Variants in CNTN4 observed in about 807,000 individuals in gnomAD.
CNTN4 encodes contactin 4, also known as contactin-4.
A neutral mutation model predicts 122.5 loss-of-function variants in CNTN4; 77 were observed. The observed-to-expected ratio is 0.63, with a 90% CI of 0.52 to 0.76. CNTN4 has a LOEUF of 0.76. Ranked by LOEUF, CNTN4 falls within the 30% of genes least tolerant of loss-of-function variation. CNTN4 has a pLI of 0.00. For synonymous variants in CNTN4, 512 were observed against 447.0 expected (o/e 1.15, Z -1.83); for missense variants, 1,256 against 1,259.1 (o/e 1.00, Z 0.04).
intron 3 of CNTN4, among the ~76,000 whole-genome samples, chr3:2,391,412 G>A (rs761814178): frequency 6.6e-6 from 1 of 152,060 alleles, no homozygotes; most frequent in African/African-American, 2.4e-5. Flanking sequence ...AACAATATAT[G>A]AAGCCATGAG....
At chr3:2,332,902 T>A (rs919736015) in intron 2 of CNTN4, among the ~76,000 whole-genome samples, 1 of 151,740 alleles carries the variant, frequency 6.6e-6, no homozygotes, top group Non-Finnish European at 1.5e-5. Flanking sequence ...TAAAAAAAAA[T>A]AAGACTTTTT....
At chr3:2,324,261 GAGA>G (rs1375620497) in intron 2 of CNTN4, among the ~76,000 whole-genome samples, 7 of 131,970 alleles carry the variant, frequency 5.3e-5, no homozygotes, top group African/African-American at 2.8e-5. Flanking sequence ...GTGGTGAGAG[GAGA>G]AGAATGATAG....
chr3:2,269,374 C>T (rs1453100109), intron 2 of CNTN4, among the ~76,000 whole-genome samples: 1 of 151,920 alleles, frequency 6.6e-6, no homozygotes, highest in East Asian at 1.9e-4. Context: ...TTGGTAATTC[C>T]ACAGCATGCA....
At chr3:2,409,253 T>TC (rs1174389128) in intron 3 of CNTN4, among the ~76,000 whole-genome samples, 1 of 150,128 alleles carries the variant, frequency 6.7e-6, no homozygotes, top group African/African-American at 2.4e-5. Context: ...TCTTTTCTTT[T>TC]TTTTTTTTTT....
intron 4 of CNTN4, among the ~76,000 whole-genome samples, chr3:2,662,974 T>C (rs1181866286): frequency 6.6e-6 from 1 of 152,010 alleles, no homozygotes; most frequent in Non-Finnish European, 1.5e-5. Context: ...TGATGGTGTG[T>C]GCCTGTAATC....
At chr3:2,675,563 T>C (rs544230403) in intron 4 of CNTN4, among the ~76,000 whole-genome samples, 62 of 152,310 alleles carry the variant, frequency 4.1e-4, no homozygotes, top group African/African-American at 1.4e-3. Flanking sequence ...TTCCCAAGAA[T>C]GAAAGCTCCA....
chr3:2,489,125 C>CT (rs2151648178), intron 3 of CNTN4, among the ~76,000 whole-genome samples: 1 of 152,174 alleles, frequency 6.6e-6, no homozygotes, highest in Admixed American at 6.5e-5. Flanking sequence ...ACTCAGTTTA[C>CT]TTTTTGGTGC....
At chr3:2,830,869 GC>G (rs750152990) in intron 7 of CNTN4, among the ~76,000 whole-genome samples, 116 of 152,218 alleles carry the variant, frequency 7.6e-4, no homozygotes, top group Admixed American at 1.6e-3. Context: ...ATGGAATTAA[GC>G]AGGATAATGA....
intron 3 of CNTN4, among the ~76,000 whole-genome samples, chr3:2,488,957 A>G (rs1575751460): frequency 2.0e-5 from 3 of 152,366 alleles, no homozygotes; most frequent in Admixed American, 2.0e-4. Flanking sequence ...ATGATAAATA[A>G]TACAATAGAG....
chr3:2,529,339 C>T lies in CNTN4; in HGVS notation c.-88-42077C>T, dbSNP rs141716697. Among the ~76,000 whole-genome samples, 222 of 152,216 alleles carry T rather than the reference C, an allele frequency of 1.5e-3. 4 individuals are homozygous for T. The highest frequency in any genetic ancestry group is 0.01 in the Middle Eastern group (3 of 294). ...ATTATGTATATATACGTATTTTCTT[C>T]ATCCATTCATCTGTTGATGGATACT... On this transcript the variant is annotated intron_variant, in intron 3 of 24. Coordinates refer to ENST00000418658, the MANE Select transcript of CNTN4 (RefSeq NM_175607.3).
rs538487348 is a variant in CNTN4, at chr3:2,823,367, G to A, written c.454+3786G>A. Among the ~76,000 whole-genome samples, 5 of 152,278 alleles carry A rather than the reference G, an allele frequency of 3.3e-5. No homozygotes were observed. In the South Asian group the frequency reaches 1.0e-3, roughly 32 times the overall value. ...AGCTGTGCGGTGTCAGACCTTCTTAGGGTAGCAGAGAAATGAGCAGCAATT... is the reference window on the plus strand; with the variant it reads ...AGCTGTGCGGTGTCAGACCTTCTTAAGGTAGCAGAGAAATGAGCAGCAATT... On this transcript the variant is annotated intron_variant, in intron 7 of 24. Transcript: ENST00000418658.
intron 4 of CNTN4, among the ~76,000 whole-genome samples, chr3:2,619,564 A>G (rs936450977): frequency 2.0e-5 from 3 of 152,218 alleles, no homozygotes; most frequent in Admixed American, 6.5e-5. Context: ...CTGTTGGATC[A>G]TAATTGTAAA....
intron 6 of CNTN4, among the ~76,000 whole-genome samples, chr3:2,803,742 A>G (rs1394649199): frequency 6.6e-6 from 1 of 151,678 alleles, no homozygotes; most frequent in Admixed American, 6.6e-5. Context: ...TGTATTTTTC[A>G]GTAGAGACGA....
At chr3:2,361,007 CTT>C (rs1276942117) in intron 3 of CNTN4, among the ~76,000 whole-genome samples, 2 of 152,088 alleles carry the variant, frequency 1.3e-5, no homozygotes, top group East Asian at 3.9e-4. Context: ...CACTGTGGCT[CTT>C]TTGTGGGTAT....
At chr3:2,286,395 A>T (rs2041905110) in intron 2 of CNTN4, among the ~76,000 whole-genome samples, 1 of 151,726 alleles carries the variant, frequency 6.6e-6, no homozygotes. Context: ...AATATTGTGA[A>T]ACCTGAAAAG....
At chr3:2,526,626 A>G (rs2077407106) in intron 3 of CNTN4, among the ~76,000 whole-genome samples, 2 of 152,180 alleles carry the variant, frequency 1.3e-5, no homozygotes, top group African/African-American at 4.8e-5. Context: ...TATTACATGT[A>G]AACCAATCAT....
chr3:2,936,445 C>A (rs1332287051), intron 13 of CNTN4, among the ~76,000 whole-genome samples: 2 of 152,188 alleles, frequency 1.3e-5, no homozygotes, highest in African/African-American at 4.8e-5. Context: ...TTTTAATGCA[C>A]ACTCAGGTAT....
At chr3:2,725,292 C>G (rs889925176) in intron 4 of CNTN4, among the ~76,000 whole-genome samples, 1 of 152,106 alleles carries the variant, frequency 6.6e-6, no homozygotes, top group Non-Finnish European at 1.5e-5. Flanking sequence ...GCATCTGTAA[C>G]CCAGGGTGCA....
intron 13 of CNTN4, among the ~76,000 whole-genome samples, chr3:2,986,162 G>C (rs1261602681): frequency 6.6e-6 from 1 of 151,952 alleles, no homozygotes; most frequent in Non-Finnish European, 1.5e-5. Context: ...TGATCCTCCT[G>C]CCTCAGCCCC....
Sources: allele counts gnomAD v4.1 joint callset (sites outside exome capture counted in the v4.1 genomes callset), GRCh38; gene constraint gnomAD v4.1.1; transcripts MANE v1.5; gene names NCBI Gene and HGNC (gene_info 2026-07-23, HGNC 2026-07-21).